ATXN1: variants seen among roughly 807,000 people sequenced by gnomAD.
ATXN1 encodes ataxin-1.
In ATXN1, 8 loss-of-function variants were observed where a neutral mutation model predicts 56.4. The observed-to-expected ratio is 0.14, with a 90% CI of 0.08 to 0.26. ATXN1 has a LOEUF of 0.26. Ranked by LOEUF, ATXN1 falls within the 10% of genes least tolerant of loss-of-function variation. The pLI, the probability that ATXN1 is intolerant of heterozygous loss-of-function variation, is 1.00. For missense variants in ATXN1, 987 were observed against 1,106.5 expected (o/e 0.89, Z 1.53); for synonymous variants, 514 against 494.6 (o/e 1.04, Z -0.52).
At chr6:16,515,060 G>T (rs927519098) in intron 5 of ATXN1, among the ~76,000 whole-genome samples, 3 of 151,734 alleles carry the variant, frequency 2.0e-5, no homozygotes, top group Non-Finnish European at 4.4e-5. Context: ...AGCCACCTAG[G>T]CTCAAAAATT....
intron 3 of ATXN1, among the ~76,000 whole-genome samples, chr6:16,657,029 G>A (rs1255731670): frequency 1.4e-5 from 2 of 145,320 alleles, no homozygotes; most frequent in Non-Finnish European, 3.0e-5. Flanking sequence ...TGTCGCCCAG[G>A]CTGGAGTGCA....
In ATXN1 at chr6:16,435,788, T is replaced by C. The variant is rs369881896; in HGVS notation, c.-161+50184A>G. 5.3e-5 allele frequency among the ~76,000 whole-genome samples: 8 copies of C among 152,324 alleles called. No homozygotes were observed. The East Asian group carries it at 1.5e-3, about 29-fold the overall frequency. On this transcript the variant is annotated intron_variant, in intron 6 of 7. Transcript: ENST00000436367. ...TGGACTGTTAGGGCCCAGGTTCCCC[T>C]TAACCATGAGACCTGAAGCAAGTTA...
intron 4 of ATXN1, among the ~76,000 whole-genome samples, chr6:16,543,191 C>G (rs1488094990): frequency 6.6e-6 from 1 of 152,168 alleles, no homozygotes; most frequent in Non-Finnish European, 1.5e-5. Context: ...GCCTGGGTCC[C>G]GCTCATTCCT....
intron 6 of ATXN1, among the ~76,000 whole-genome samples, chr6:16,396,576 A>G (rs1473996166): frequency 6.6e-6 from 1 of 152,232 alleles, no homozygotes; most frequent in Non-Finnish European, 1.5e-5. Flanking sequence ...AGCGTGGTTA[A>G]TTTATTATCA....
intron 2 of ATXN1, among the ~76,000 whole-genome samples, chr6:16,691,377 G>A (rs75620575): frequency 0.012 from 1,831 of 152,320 alleles, 17 homozygotes; most frequent in Non-Finnish European, 0.017. Context: ...AATATGCATA[G>A]TTTGAAAATG....
intron 7 of ATXN1, among the ~76,000 whole-genome samples, chr6:16,315,370 CT>C (rs767077680): frequency 2.0e-5 from 3 of 152,162 alleles, no homozygotes; most frequent in Non-Finnish European, 4.4e-5. Flanking sequence ...TAGAATGATA[CT>C]ATTTTTTTAC....
intron 2 of ATXN1, among the ~76,000 whole-genome samples, chr6:16,709,729 C>T (rs1025659358): frequency 1.8e-4 from 28 of 152,176 alleles, no homozygotes; most frequent in African/African-American, 6.3e-4. Context: ...GTATTACTAA[C>T]ACTAACACTA....
intron 6 of ATXN1, among the ~76,000 whole-genome samples, chr6:16,450,461 C>G (rs979095063): frequency 2.6e-5 from 4 of 152,198 alleles, no homozygotes; most frequent in Non-Finnish European, 4.4e-5. Context: ...CCCTTCCCAT[C>G]TAGTGCTCTC....
At chr6:16,710,761 T>C (rs1432970423) in intron 2 of ATXN1, among the ~76,000 whole-genome samples, 1 of 151,578 alleles carries the variant, frequency 6.6e-6, no homozygotes, top group Non-Finnish European at 1.5e-5. Flanking sequence ...CTGATTTTTG[T>C]ATTTTTAGTA....
intron 3 of ATXN1, among the ~76,000 whole-genome samples, chr6:16,629,831 C>G (rs187941622): frequency 6.6e-6 from 1 of 151,282 alleles, no homozygotes; most frequent in African/African-American, 2.4e-5. Flanking sequence ...GCAGGAGAAT[C>G]GCTTGAACCC....
intron 6 of ATXN1, among the ~76,000 whole-genome samples, chr6:16,352,976 A>G (rs1761601695): frequency 6.6e-6 from 1 of 152,128 alleles, no homozygotes; most frequent in Non-Finnish European, 1.5e-5. Context: ...AAGCACCAAG[A>G]TGGCCGCTAG....
intron 4 of ATXN1, among the ~76,000 whole-genome samples, chr6:16,564,271 AAG>A (rs1411306320): frequency 6.6e-6 from 1 of 152,158 alleles, no homozygotes; most frequent in African/African-American, 2.4e-5. Flanking sequence ...GATAGGTAAG[AAG>A]AGAGAGGAGG....
chr6:16,522,918 G>A (rs1761321266), intron 4 of ATXN1, among the ~76,000 whole-genome samples: 1 of 152,154 alleles, frequency 6.6e-6, no homozygotes, highest in Non-Finnish European at 1.5e-5. Context: ...TCACAGGCAT[G>A]ATTCATTTAT....
intron 2 of ATXN1, among the ~76,000 whole-genome samples, chr6:16,727,957 C>T (rs1479557728): frequency 6.6e-6 from 1 of 152,220 alleles, no homozygotes. Context: ...CATACTTATT[C>T]ACCATCTACT....
At chr6:16,650,376 A>C (rs1763873004) in intron 3 of ATXN1, among the ~76,000 whole-genome samples, 1 of 152,230 alleles carries the variant, frequency 6.6e-6, no homozygotes, top group Non-Finnish European at 1.5e-5. Context: ...AAATCCTTTC[A>C]ATTATTCATT....
intron 6 of ATXN1, among the ~76,000 whole-genome samples, chr6:16,424,428 T>G (rs947799318): frequency 3.9e-5 from 6 of 152,176 alleles, no homozygotes; most frequent in Non-Finnish European, 8.8e-5. Context: ...TACCCCTCTC[T>G]CTTTGCTCCA....
chr6:16,338,401 G>C (rs1168975625), intron 6 of ATXN1, among the ~76,000 whole-genome samples: 1 of 152,174 alleles, frequency 6.6e-6, no homozygotes, highest in Non-Finnish European at 1.5e-5. Flanking sequence ...GCTAAGGCAG[G>C]AGAATCGCTT....
intron 6 of ATXN1, among the ~76,000 whole-genome samples, chr6:16,422,302 G>T (rs1269388403): frequency 6.6e-6 from 1 of 152,160 alleles, no homozygotes; most frequent in African/African-American, 2.4e-5. Context: ...CGCAGGTGAG[G>T]GAGAGGAAGC....
chr6:16,656,949 G>C (rs1301860937), intron 3 of ATXN1, among the ~76,000 whole-genome samples: 2 of 149,182 alleles, frequency 1.3e-5, no homozygotes, highest in Non-Finnish European at 3.0e-5. Context: ...TCTAAACATA[G>C]AAAAGGTACA....
Sources: gnomAD v4.1 joint callset for allele counts (sites outside exome capture counted in the v4.1 genomes callset) on GRCh38, gnomAD v4.1.1 for gene constraint, MANE v1.5 for transcripts, NCBI Gene and HGNC (gene_info 2026-07-23, HGNC 2026-07-21) for gene names.